The following ZNF17 variants were observed in gnomAD, a reference collection of about 807,000 sequenced individuals.
ZNF17 encodes the protein zinc finger protein 17 (HPF3, KOX 10).
Under a neutral mutation model 7.7 loss-of-function variants are expected in ZNF17, and 4 were observed. That is an observed-to-expected ratio of 0.52 (90% confidence interval 0.26 to 1.20). ZNF17 has a LOEUF of 1.20. Ranked by LOEUF, ZNF17 falls within the 50% of genes most tolerant of loss-of-function variation. The pLI is 0.14. For synonymous variants in ZNF17, 249 were observed against 258.8 expected (o/e 0.96, Z 0.36); for missense variants, 738 against 799.5 (o/e 0.92, Z 0.93).
intron 2 of ZNF17, among the ~76,000 whole-genome samples, chr19:57,415,434 C>T (rs1158345175): frequency 6.6e-6 from 1 of 152,096 alleles, no homozygotes; most frequent in Non-Finnish European, 1.5e-5. Flanking sequence ...CAGTTGAACA[C>T]ACAGGAATGG....
At chr19:57,415,415 C>A (rs1443239188) in intron 2 of ZNF17, among the ~76,000 whole-genome samples, 1 of 152,078 alleles carries the variant, frequency 6.6e-6, no homozygotes, top group East Asian at 1.9e-4. Context: ...AGTAGAGGTG[C>A]CAGACTGGCA....
At chr19:57,414,122 C>T (rs1178931192) in intron 2 of ZNF17, among the ~76,000 whole-genome samples, 1 of 152,150 alleles carries the variant, frequency 6.6e-6, no homozygotes, top group East Asian at 1.9e-4. Flanking sequence ...CAACCTCCGC[C>T]TTCCTGGTTC....
intron 2 of ZNF17, among the ~76,000 whole-genome samples, chr19:57,414,281 C>T (rs546836796): frequency 2.0e-5 from 3 of 151,818 alleles, no homozygotes; most frequent in African/African-American, 7.2e-5. Context: ...GATCTGCCTG[C>T]CTCGGCCCTC....
At chr19:57,419,491 A>G in intron 3 of ZNF17, 144 bp from the exon 4 acceptor site, 2 of 848,598 alleles carry the variant, frequency 2.4e-6, no homozygotes, top group Non-Finnish European at 3.6e-6. Flanking sequence ...TCTGCCCAGT[A>G]GGCTTTCCTC....
Position 57,420,460 on chromosome 19 carries a change from T to G in ZNF17, c.974T>G (p.Ile325Ser). The G allele has an allele frequency of 6.2e-7, 1 of 1,613,816 alleles. No individual in the cohort carries two copies. The highest frequency in any genetic ancestry group is 8.5e-7 in the Non-Finnish European group (1 of 1,179,980). ...TQAHLVGHQK[I>S]HTGERPYGCN... is the part of the protein sequence containing the mutation. Reference sequence around the variant, plus strand: ...GCTCACCTTGTTGGTCACCAGAAAATTCATACTGGAGAACGGCCTTATGGA... The same window carrying G: ...GCTCACCTTGTTGGTCACCAGAAAAGTCATACTGGAGAACGGCCTTATGGA... Residue 325 changes from isoleucine to serine, a missense_variant, in exon 4 of 4, where the codon ATT (isoleucine) becomes AGT (serine). Transcript: ENST00000307658.
rs1568538958 is a variant in ZNF17 at position 57,419,983 on chromosome 19, A to AAC, written c.499_500dup (p.Gln167HisfsTer294). On this transcript the variant is annotated frameshift_variant, in exon 4 of 4. Coordinates refer to ENST00000307658, the MANE Select transcript of ZNF17 (RefSeq NM_001330617.2). LOFTEE classifies it low-confidence loss of function (END_TRUNC). ...TTTACTGGTGATTCAGATCTTCAAC[A>AAC]ACAGGCTCTTCACAGTGGGTGGAAG... The AAC allele has an allele frequency of 3.7e-6, 6 of 1,614,216 alleles. No individual in the cohort carries two copies. Among genetic ancestry groups the AAC allele is most frequent in the Non-Finnish European group, 5.1e-6 (6 of 1,180,046 alleles).
At chr19:57,418,124 C>T in intron 3 of ZNF17, 86 bp downstream of exon 3, 1 of 1,509,718 alleles carries the variant, frequency 6.6e-7, no homozygotes, top group Non-Finnish European at 9.0e-7. Context: ...CACACCAGGT[C>T]ATGGATGCTG....
intron 3 of ZNF17, 24 bp from the exon 4 acceptor site, chr19:57,419,611 A>G: frequency 6.3e-7 from 1 of 1,587,878 alleles, no homozygotes; most frequent in Non-Finnish European, 8.6e-7. Context: ...GTCATCATGC[A>G]CTTCATGAGC....
intron 1 of ZNF17, among the ~76,000 whole-genome samples, chr19:57,412,396 C>T (rs1010694187): frequency 2.6e-5 from 4 of 152,070 alleles, no homozygotes; most frequent in Admixed American, 2.6e-4. Flanking sequence ...CAGTAACTGA[C>T]CTGCTTGCTT....
In ZNF17 at chr19:57,420,552, G is replaced by A; in HGVS notation, c.1066G>A (p.Gly356Arg). ...ALIRHQKVHT[G>R]ERPFYCCECG... ...CATTAGACATCAGAAAGTTCACACT[G>A]GAGAAAGGCCTTTTTATTGCTGTGA... The change falls in exon 4 of 4, where the codon GGA becomes AGA. Residue 356 changes from glycine (G) to arginine (R), a missense_variant. By Grantham distance (125) the Gly-to-Arg change is moderately radical (BLOSUM62 -2). Around this residue, in one of 3 missense-constraint regions of ZNF17, gnomAD observed 616 missense variants for 663.9 expected, o/e 0.93. Coordinates refer to ENST00000307658, the MANE Select transcript of ZNF17 (RefSeq NM_001330617.2). 1.9e-6 allele frequency: 3 copies of A among 1,614,124 alleles called. No individual in the cohort carries two copies. Among genetic ancestry groups the A allele is most frequent in the Non-Finnish European group, 2.5e-6 (3 of 1,179,958 alleles).
intron 2 of ZNF17, among the ~76,000 whole-genome samples, chr19:57,414,915 C>T (rs1046403051): frequency 3.3e-5 from 5 of 151,216 alleles, no homozygotes; most frequent in African/African-American, 1.2e-4. Flanking sequence ...AGGGTTTCAC[C>T]GTGTTAGGAT....
Position 57,420,878 on chromosome 19 carries a change from A to G in ZNF17, c.1392A>G (p.Arg464=). The G allele has an allele frequency of 6.2e-7, 1 of 1,614,192 alleles. No individual in the cohort carries two copies. The highest frequency in any genetic ancestry group is 8.5e-7 in the Non-Finnish European group (1 of 1,180,036). ...RYCFTLNRHQ[R]VHSGERPYEC... ...GCTTCACACTGAATAGACATCAGAG[A>G]GTTCACTCTGGAGAGAGGCCTTATG... Residue 464 remains arginine (R), a synonymous_variant, in exon 4 of 4, where the codon AGA becomes AGG. Transcript: ENST00000307658.
intron 2 of ZNF17, among the ~76,000 whole-genome samples, chr19:57,416,344 C>A (rs2088811205): frequency 6.6e-6 from 1 of 152,006 alleles, no homozygotes; most frequent in African/African-American, 2.4e-5. Context: ...AGGTGCCATC[C>A]AAAGCCTGAG....
rs2088845136 is a variant in ZNF17, at chr19:57,420,798, C to T, written c.1312C>T (p.His438Tyr). The T allele has an allele frequency of 1.2e-6, 2 of 1,613,826 alleles. No homozygotes were observed. Among genetic ancestry groups the T allele is most frequent in the African/African-American group, 2.7e-5 (2 of 74,856 alleles). Residue 438 changes from histidine to tyrosine, a missense_variant, in exon 4 of 4, where the codon CAT (histidine) becomes TAT (tyrosine). This residue lies in a region of ZNF17 where 616 missense variants were observed against 663.9 expected (regional missense o/e 0.93). Coordinates refer to ENST00000307658, the MANE Select transcript of ZNF17 (RefSeq NM_001330617.2). The stretch of plus-strand genomic sequence containing the variant: ...CACACTCATTATTCATCAGAGAGTT[C>T]ATACTGGAGAAAAGCCTTATGAATG... ...TSTLIIHQRV[H>Y]TGEKPYECNK...
rs566130342 is a variant in ZNF17 at position 57,411,575 on chromosome 19, C to T, written c.-21+169C>T. On this transcript the variant is annotated intron_variant, in intron 1 of 3. Coordinates refer to ENST00000307658, the MANE Select transcript of ZNF17 (RefSeq NM_001330617.2). ...CGGGGGAGCTCCTGTCAGGGACCTG[C>T]ACGTGCGAGGCTTAGAGGTGCTGCA... 5.3e-5 allele frequency: 76 copies of T among 1,430,542 alleles called. No individual in the cohort carries two copies. In the African/African-American group the frequency reaches 1.0e-3, roughly 19 times the overall value. The allele number at this position is 1,430,542 out of a possible 1,614,324, so 88.6% of individuals were successfully genotyped here. A position where few individuals can be genotyped will look rare whatever the true frequency, so the allele number is the denominator to read the frequency against.
chr19:57,413,770 C>T, intron 2 of ZNF17, 134 bp downstream of exon 2: 1 of 1,108,032 alleles, frequency 9.0e-7, no homozygotes, highest in Non-Finnish European at 1.3e-6. Flanking sequence ...TGTAGTTCCA[C>T]CAGACCTGGG....
intron 2 of ZNF17, among the ~76,000 whole-genome samples, chr19:57,414,863 A>G (rs1172431977): frequency 6.6e-6 from 1 of 152,032 alleles, no homozygotes; most frequent in African/African-American, 2.4e-5. Context: ...GGCACCTGCC[A>G]TCATGCCCGG....
At position 57,421,321 on chromosome 19, in the gene ZNF17, A is replaced by G; in HGVS notation, c.1835A>G (p.Tyr612Cys). 1 of 1,614,174 alleles carries G rather than the reference A, an allele frequency of 6.2e-7. No homozygotes were observed. The highest frequency in any genetic ancestry group is 8.5e-7 in the Non-Finnish European group (1 of 1,180,022). Residue 612 changes from tyrosine (Y) to cysteine (C), a missense_variant, in exon 4 of 4, where the codon TAT becomes TGT. By Grantham distance (194) the Tyr-to-Cys change is radical (BLOSUM62 -2). This residue lies in a region of ZNF17 where 116 missense variants were observed against 114.0 expected (regional missense o/e 1.02). Coordinates refer to ENST00000307658, the MANE Select transcript of ZNF17 (RefSeq NM_001330617.2). ...HERVHTGEKP[Y>C]ECSECGKVFR... ...AGAGTTCATACTGGAGAAAAGCCTT[A>G]TGAGTGCAGTGAATGTGGGAAAGTC...
chr19:57,413,488 T>C, intron 1 of ZNF17, 108 bp from the exon 2 acceptor site: 1 of 1,171,024 alleles, frequency 8.5e-7, no homozygotes, highest in Non-Finnish European at 1.2e-6. Context: ...ACTTACTGTG[T>C]ACCCTCAGAT....
Sources: allele counts gnomAD v4.1 joint callset (sites outside exome capture counted in the v4.1 genomes callset), GRCh38; gene constraint gnomAD v4.1.1; regional missense constraint gnomAD v4.1.1; transcripts MANE v1.5; gene names NCBI Gene and HGNC (gene_info 2026-07-23, HGNC 2026-07-21).